Variants in DYM observed in about 807,000 individuals in gnomAD.
DYM encodes the protein dymeclin.
A neutral mutation model predicts 93.1 loss-of-function variants in DYM; 78 were observed. The ratio of observed to expected loss-of-function variants is 0.84; its 90% confidence interval spans 0.70 to 1.01. The LOEUF is 1.01. Among genes scored for constraint, DYM ranks in the 50% least tolerant of loss-of-function variants. The pLI is 0.00. For missense variants in DYM, 789 were observed against 845.0 expected (o/e 0.93, Z 0.82); for synonymous variants, 321 against 319.7 (o/e 1.00, Z -0.04).
At chr18:49,072,609 G>T (rs1568373728) in intron 17 of DYM, among the ~76,000 whole-genome samples, 1 of 152,234 alleles carries the variant, frequency 6.6e-6, no homozygotes. Context: ...GTTTGGCAAC[G>T]TGAGAAACCC....
In DYM at chr18:49,377,736, C is replaced by T. The variant is rs148696362; in HGVS notation, c.421+831G>A. Among the ~76,000 whole-genome samples the T allele has an allele frequency of 9.9e-5, 15 of 152,212 alleles. No homozygotes were observed. In the East Asian group the frequency reaches 2.5e-3, roughly 25 times the overall value. ...TATTTGACTTTGACATTTAAAAACA[C>T]GTATTTAGCAACACAGTTGAAACCA... On this transcript the variant is annotated intron_variant, in intron 5 of 17. Transcript: ENST00000675505.
chr18:49,069,100 A>C (rs918748843), intron 17 of DYM, among the ~76,000 whole-genome samples: 1 of 152,246 alleles, frequency 6.6e-6, no homozygotes, highest in African/African-American at 2.4e-5. Context: ...CACATTAGTA[A>C]AATAATTACC....
chr18:49,295,743 A>G (rs2146054295), intron 8 of DYM, among the ~76,000 whole-genome samples: 1 of 152,208 alleles, frequency 6.6e-6, no homozygotes, highest in East Asian at 1.9e-4. Context: ...AAAATTCCAG[A>G]ATATTATTGC....
chr18:49,459,709 C>T (rs1372986892), intron 1 of DYM, among the ~76,000 whole-genome samples: 1 of 152,152 alleles, frequency 6.6e-6, no homozygotes, highest in Non-Finnish European at 1.5e-5. Flanking sequence ...CTTCTCTACC[C>T]CTGTTCAGTA....
chr18:49,367,534 T>C (rs1459592990), intron 5 of DYM, among the ~76,000 whole-genome samples: 1 of 152,106 alleles, frequency 6.6e-6, no homozygotes, highest in Non-Finnish European at 1.5e-5. Flanking sequence ...CCTAATCAAA[T>C]GCCTTCCAAC....
intron 1 of DYM, among the ~76,000 whole-genome samples, chr18:49,435,556 G>C (rs544857558): frequency 6.6e-6 from 1 of 152,244 alleles, no homozygotes; most frequent in African/African-American, 2.4e-5. Flanking sequence ...GGGAGGCTGA[G>C]GTGGGTGGAT....
At chr18:49,347,735 TC>T (rs1316654040) in intron 6 of DYM, among the ~76,000 whole-genome samples, 20 of 152,238 alleles carry the variant, frequency 1.3e-4, no homozygotes, top group Non-Finnish European at 2.5e-4. Flanking sequence ...AATTTGGCTA[TC>T]TTAAGTGCCA....
At chr18:49,228,445 ATTTGGACAT>A (rs1263979404) in intron 13 of DYM, among the ~76,000 whole-genome samples, 1 of 152,136 alleles carries the variant, frequency 6.6e-6, no homozygotes, top group Non-Finnish European at 1.5e-5. Context: ...AAACCCCACA[ATTTGGACAT>A]TTTGCAGACG....
intron 1 of DYM, among the ~76,000 whole-genome samples, chr18:49,448,637 A>AG (rs1491365687): frequency 6.6e-6 from 1 of 152,110 alleles, no homozygotes; most frequent in Non-Finnish European, 1.5e-5. Flanking sequence ...CAGGAAACAC[A>AG]GGGGGAAAAA....
intron 14 of DYM, among the ~76,000 whole-genome samples, chr18:49,202,151 C>A (rs2092044004): frequency 6.6e-6 from 1 of 152,192 alleles, no homozygotes; most frequent in South Asian, 2.1e-4. Flanking sequence ...AACTTTTGGC[C>A]AAAGGGATGT....
chr18:49,073,340 C>A (rs2077042458), intron 17 of DYM, among the ~76,000 whole-genome samples: 1 of 152,094 alleles, frequency 6.6e-6, no homozygotes, highest in Admixed American at 6.5e-5. Context: ...GGCCAAAGTA[C>A]AAATATGTTT....
intron 6 of DYM, among the ~76,000 whole-genome samples, chr18:49,350,726 GAA>G (rs72289769): frequency 3.8e-4 from 45 of 119,938 alleles, no homozygotes; most frequent in African/African-American, 1.2e-3. Context: ...GAAAAAAAAA[GAA>G]AAAAAAAAAA....
rs928660070 is a variant in DYM at position 49,203,447 on chromosome 18, T to C, written c.1625+6104A>G. ...GTGGGGAAAAGATTGAGAAATCGGA[T>C]GGTTGCCGTGTCTGTGTGAAAGAAG... is the stretch of plus-strand genomic sequence containing the variant. On this transcript the variant is annotated intron_variant, in intron 14 of 17. Coordinates refer to ENST00000675505, the MANE Select transcript of DYM (RefSeq NM_001353214.3). Among the ~76,000 whole-genome samples the C allele has an allele frequency of 3.3e-4, 48 of 147,576 alleles. 2 individuals carry two copies. Among genetic ancestry groups the C allele is most frequent in the Non-Finnish European group, 6.1e-4 (41 of 67,266 alleles).
chr18:49,197,166 C>A (rs974394260), intron 14 of DYM, among the ~76,000 whole-genome samples: 3 of 152,040 alleles, frequency 2.0e-5, no homozygotes, highest in African/African-American at 4.8e-5. Context: ...TAAGGCAGCT[C>A]TCAGGACAGG....
chr18:49,211,620 C>A (rs182285519), intron 13 of DYM, among the ~76,000 whole-genome samples: 1 of 152,204 alleles, frequency 6.6e-6, no homozygotes, highest in African/African-American at 2.4e-5. Context: ...ACCAGCCTAT[C>A]AAACAACCAA....
At chr18:49,248,825 C>T (rs2094223621) in intron 13 of DYM, among the ~76,000 whole-genome samples, 1 of 150,216 alleles carries the variant, frequency 6.7e-6, no homozygotes, top group African/African-American at 2.4e-5. Flanking sequence ...CAGTTCTTAT[C>T]ACTCTTTTCC....
intron 11 of DYM, among the ~76,000 whole-genome samples, chr18:49,261,590 G>C (rs1342054177): frequency 1.3e-5 from 2 of 152,020 alleles, no homozygotes; most frequent in East Asian, 3.8e-4. Context: ...TTGAACTAGG[G>C]AGGCAGAGGT....
At chr18:49,137,723 G>T (rs149800055) in intron 15 of DYM, among the ~76,000 whole-genome samples, 1 of 152,266 alleles carries the variant, frequency 6.6e-6, no homozygotes, top group East Asian at 1.9e-4. Context: ...CTTTCCCTAA[G>T]ATCCAAAGTC....
At chr18:49,312,498 A>G (rs1484753037) in intron 8 of DYM, among the ~76,000 whole-genome samples, 2 of 152,194 alleles carry the variant, frequency 1.3e-5, no homozygotes, top group Non-Finnish European at 2.9e-5. Flanking sequence ...AGTCCATAAG[A>G]GACCCTGGAC....
Sources: gnomAD v4.1 joint callset for allele counts (sites outside exome capture counted in the v4.1 genomes callset) on GRCh38, gnomAD v4.1.1 for gene constraint, MANE v1.5 for transcripts, NCBI Gene and HGNC (gene_info 2026-07-23, HGNC 2026-07-21) for gene names.